Variants in PHF21A observed in about 807,000 individuals in gnomAD.
The protein encoded by PHF21A is BHC80a.
PHF21A carries 11 observed loss-of-function variants against 82.5 expected under a neutral mutation model. The ratio of observed to expected loss-of-function variants is 0.13; its 90% CI spans 0.08 to 0.22. PHF21A has a LOEUF of 0.22. Among genes scored for constraint, PHF21A ranks in the 10% least tolerant of loss-of-function variants. PHF21A has a pLI of 1.00. For synonymous variants in PHF21A, 297 were observed against 302.8 expected, an observed-to-expected ratio of 0.98 and a Z score of 0.20; for missense variants, 579 against 837.8, an observed-to-expected ratio of 0.69 and a Z score of 3.81.
intron 1 of PHF21A, among the ~76,000 whole-genome samples, chr11:46,117,471 GCTAA>G (rs1189465107): frequency 5.3e-5 from 8 of 152,152 alleles, no homozygotes; most frequent in Non-Finnish European, 1.2e-4. Flanking sequence ...GTCTTTGCAG[GCTAA>G]CTTAAGTACA....
chr11:46,075,618 C>CT (rs1166569038), intron 6 of PHF21A, among the ~76,000 whole-genome samples: 1 of 152,178 alleles, frequency 6.6e-6, no homozygotes, highest in Non-Finnish European at 1.5e-5. Context: ...ATTCCCTAAT[C>CT]TAAAATACCT....
intron 9 of PHF21A, among the ~76,000 whole-genome samples, chr11:45,968,507 T>A (rs1237493699): frequency 6.6e-6 from 1 of 152,224 alleles, no homozygotes; most frequent in African/African-American, 2.4e-5. Context: ...ACATGTTCTG[T>A]CCTCTGCCTG....
chr11:45,968,931 CAAAAAA>C (rs59583388), intron 9 of PHF21A, among the ~76,000 whole-genome samples: 1 of 85,668 alleles, frequency 1.2e-5, no homozygotes, highest in South Asian at 3.5e-4. Flanking sequence ...AACTCCATTG[CAAAAAA>C]AAAAAAAAAA....
intron 6 of PHF21A, among the ~76,000 whole-genome samples, chr11:46,025,109 G>A (rs1201903704): frequency 6.6e-6 from 1 of 151,846 alleles, no homozygotes; most frequent in Admixed American, 6.6e-5. Context: ...TATCCACAAG[G>A]AGCTTTCTCT....
intron 6 of PHF21A, among the ~76,000 whole-genome samples, chr11:46,032,478 TG>T (rs74945666): frequency 0.13 from 19,128 of 148,530 alleles, 2,473 homozygotes; most frequent in East Asian, 0.6. Flanking sequence ...ATACACCAAA[TG>T]TTTTTTTCAA....
At chr11:46,032,391 T>G (rs1249733098) in intron 6 of PHF21A, among the ~76,000 whole-genome samples, 1 of 152,222 alleles carries the variant, frequency 6.6e-6, no homozygotes, top group Non-Finnish European at 1.5e-5. Flanking sequence ...TTCGTTTATT[T>G]AATAATATGT....
chr11:45,950,114 A>C, intron 12 of PHF21A, 92 bp downstream of exon 12: 1 of 1,055,656 alleles, frequency 9.5e-7, no homozygotes, highest in Non-Finnish European at 1.4e-6. Flanking sequence ...TTGTGTTCCA[A>C]TTTTCTATTC....
rs543487344 is a variant in PHF21A at position 46,051,631 on chromosome 11, G to C, written c.153+25123C>G. On this transcript the variant is annotated intron_variant, in intron 6 of 18. Transcript: ENST00000676320. ...GTTCTCATTAACCAGCTGTTTTTAAGCATGCCAATGTGCAATTCCATTCTG... is the reference window on the plus strand; with the variant it reads ...GTTCTCATTAACCAGCTGTTTTTAACCATGCCAATGTGCAATTCCATTCTG... 2.4e-4 allele frequency among the ~76,000 whole-genome samples: 37 copies of C among 152,306 alleles called. 1 individual carries two copies. The highest frequency in any genetic ancestry group is 7.9e-4 in the African/African-American group (33 of 41,552).
At chr11:46,115,956 TAA>T (rs2097284666) in intron 1 of PHF21A, among the ~76,000 whole-genome samples, 1 of 152,162 alleles carries the variant, frequency 6.6e-6, no homozygotes, top group African/African-American at 2.4e-5. Flanking sequence ...TCTAAACAGT[TAA>T]GTGTTTTTCT....
intron 11 of PHF21A, among the ~76,000 whole-genome samples, chr11:45,952,488 T>C (rs183917223): frequency 3.2e-4 from 49 of 152,332 alleles, no homozygotes; most frequent in African/African-American, 1.1e-3. Context: ...ATAGGGAAAT[T>C]TTGCTCAATT....
intron 1 of PHF21A, among the ~76,000 whole-genome samples, chr11:46,095,305 GAA>G (rs1441003535): frequency 6.6e-6 from 1 of 152,122 alleles, no homozygotes; most frequent in Non-Finnish European, 1.5e-5. Flanking sequence ...ATTTAAGTCT[GAA>G]ATGCAAGTTT....
intron 6 of PHF21A, among the ~76,000 whole-genome samples, chr11:46,021,765 G>T (rs530182336): frequency 1.3e-5 from 2 of 152,198 alleles, no homozygotes; most frequent in African/African-American, 4.8e-5. Flanking sequence ...TGCCCAGGCT[G>T]GTCTTGAACT....
At chr11:46,119,233 C>G (rs1852276585) in intron 1 of PHF21A, among the ~76,000 whole-genome samples, 1 of 152,160 alleles carries the variant, frequency 6.6e-6, no homozygotes, top group Admixed American at 6.5e-5. Flanking sequence ...ATTCCTGACA[C>G]CGACTATTAG....
chr11:46,101,901 C>T (rs2097101370), intron 1 of PHF21A, among the ~76,000 whole-genome samples: 1 of 151,386 alleles, frequency 6.6e-6, no homozygotes, highest in Non-Finnish European at 1.5e-5. Flanking sequence ...GCTCTGTCGC[C>T]AGGCTGGAAG....
intron 6 of PHF21A, among the ~76,000 whole-genome samples, chr11:46,056,349 A>G (rs2096456828): frequency 6.6e-6 from 1 of 152,130 alleles, no homozygotes; most frequent in South Asian, 2.1e-4. Flanking sequence ...TGTGTGGGTC[A>G]GTTTCTATGA....
intron 1 of PHF21A, among the ~76,000 whole-genome samples, chr11:46,112,133 G>T (rs182913622): frequency 6.6e-6 from 1 of 152,178 alleles, no homozygotes; most frequent in Admixed American, 6.5e-5. Flanking sequence ...AAAATATTCA[G>T]TTACTGGTGT....
chr11:45,983,070 G>GGAAAGCAGGAGCAAGGGAT (rs1446991795), intron 6 of PHF21A, among the ~76,000 whole-genome samples: 1 of 152,164 alleles, frequency 6.6e-6, no homozygotes, highest in African/African-American at 2.4e-5. Context: ...GGAACAGTAG[G>GGAAAGCAGGAGCAAGGGAT]GAAAGCAGGA....
chr11:46,096,856 A>G (rs2097004318), intron 1 of PHF21A, among the ~76,000 whole-genome samples: 1 of 152,150 alleles, frequency 6.6e-6, no homozygotes. Context: ...TCAAATAGGT[A>G]TCTCAAGCTC....
chr11:46,041,750 AAATC>A (rs2096145533), intron 6 of PHF21A, among the ~76,000 whole-genome samples: 1 of 152,222 alleles, frequency 6.6e-6, no homozygotes, highest in African/African-American at 2.4e-5. Flanking sequence ...TCCCTTTGAT[AAATC>A]AGATACCTAT....
Sources: allele counts gnomAD v4.1 joint callset (sites outside exome capture counted in the v4.1 genomes callset), GRCh38; gene constraint gnomAD v4.1.1; transcripts MANE v1.5; gene names NCBI Gene and HGNC (gene_info 2026-07-23, HGNC 2026-07-21).